The following JADE2 variants were observed in gnomAD, a reference collection of about 807,000 sequenced individuals.
The protein encoded by JADE2 is E3 ubiquitin-protein ligase Jade-2.
A neutral mutation model predicts 85.7 loss-of-function variants in JADE2; 13 were observed. The ratio of observed to expected loss-of-function variants is 0.15; its 90% CI spans 0.10 to 0.24. JADE2 has a LOEUF of 0.24. Ranked by LOEUF, JADE2 falls within the 10% of genes least tolerant of loss-of-function variation. The pLI is 1.00. For missense variants in JADE2, 846 were observed against 1,115.9 expected (o/e 0.76, Z 3.45); for synonymous variants, 440 against 456.1 (o/e 0.96, Z 0.45).
chr5:134,569,389 T>C (rs1334531745), intron 9 of JADE2, among the ~76,000 whole-genome samples: 1 of 152,176 alleles, frequency 6.6e-6, no homozygotes, highest in African/African-American at 2.4e-5. Flanking sequence ...CGGCATGAAA[T>C]CCCATTTTAT....
chr5:134,527,383 C>A (rs749743998), intron 1 of JADE2, among the ~76,000 whole-genome samples: 27 of 152,114 alleles, frequency 1.8e-4, no homozygotes, highest in Non-Finnish European at 3.4e-4. Context: ...CTTGGCGATT[C>A]GCAGCTGTTC....
intron 4 of JADE2, among the ~76,000 whole-genome samples, chr5:134,553,190 C>T (rs1009911589): frequency 6.6e-6 from 1 of 151,294 alleles, no homozygotes; most frequent in Non-Finnish European, 1.5e-5. Context: ...AGGCTAGTCT[C>T]TAACTCCTGG....
chr5:134,570,682 G>A (rs1296776736), intron 9 of JADE2, among the ~76,000 whole-genome samples: 1 of 152,144 alleles, frequency 6.6e-6, no homozygotes, highest in Non-Finnish European at 1.5e-5. Context: ...CTTAGTCTTG[G>A]AGTCCTTTTT....
chr5:134,535,381 T>C (rs1024945335), intron 1 of JADE2, among the ~76,000 whole-genome samples: 60 of 152,076 alleles, frequency 3.9e-4, no homozygotes, highest in African/African-American at 1.3e-3. Flanking sequence ...CCCTCAGTGT[T>C]TTCTGTGCTG....
At chr5:134,525,351 G>A (rs1760730565), upstream of JADE2, among the ~76,000 whole-genome samples, 1 of 152,058 alleles carries the variant, frequency 6.6e-6, no homozygotes, top group Admixed American at 6.5e-5. Context: ...CCTGGGGACA[G>A]GGCGGGCTAG....
At chr5:134,526,500 G>A in intron 1 of JADE2, 1 of 985,318 alleles carries the variant, frequency 1.0e-6, no homozygotes, top group African/African-American at 1.7e-5. Flanking sequence ...CTGTCTCCCC[G>A]AGTTTCATTT....
rs905428004 is a variant in JADE2 at position 134,582,196 on chromosome 5, A to C, written c.*2879A>C. Reference sequence around the variant, plus strand: ...GATAATGTGCAAGAAAAGTATTTTTATGTATCATAAATGTATTTTGAAACA... The same window carrying C: ...GATAATGTGCAAGAAAAGTATTTTTCTGTATCATAAATGTATTTTGAAACA... On this transcript the variant is annotated 3_prime_UTR_variant, in exon 12 of 12. Transcript: ENST00000681547. 1 of 152,296 alleles carries C rather than the reference A, an allele frequency of 6.6e-6. No homozygotes were observed. Among genetic ancestry groups the C allele is most frequent in the Non-Finnish European group, 1.5e-5 (1 of 68,064 alleles). The allele number at this position is 152,296 out of a possible 1,614,324, so 9.4% of individuals were successfully genotyped here.
Position 134,578,682 on chromosome 5 carries a change from A to T in JADE2, c.1870A>T (p.Met624Leu), listed in dbSNP as rs1183637969. The T allele has an allele frequency of 2.5e-6, 4 of 1,613,946 alleles. No homozygotes were observed. The Admixed American group carries it at 6.7e-5, about 27-fold the overall frequency. Reference sequence around the variant, plus strand: ...GGACGAGGAGACACTGCTCAGCTTCATGCGGGACCCCTCGCTGCGACCTGG... The same window carrying T: ...GGACGAGGAGACACTGCTCAGCTTCTTGCGGGACCCCTCGCTGCGACCTGG... Reference protein sequence around the residue: ...LQDEETLLSFMRDPSLRPGDP... With the variant: ...LQDEETLLSFLRDPSLRPGDP... Residue 624 changes from methionine to leucine, a missense_variant, in exon 12 of 12, where the codon ATG (methionine) becomes TTG (leucine). Transcript: ENST00000681547. This position sits in a 1 kb window ranked among gnomAD's most constrained non-coding sequence, Gnocchi z 4.4.
At chr5:134,524,352 C>G (rs1431343186), upstream of JADE2, 1 of 152,532 alleles carries the variant, frequency 6.6e-6, no homozygotes, top group Non-Finnish European at 1.5e-5. Flanking sequence ...AGCAGCCCGA[C>G]AGCCCGCCCG....
upstream of JADE2, among the ~76,000 whole-genome samples, chr5:134,525,488 A>G (rs1168388401): frequency 6.7e-6 from 1 of 149,198 alleles, no homozygotes; most frequent in African/African-American, 2.5e-5. Flanking sequence ...CCGGAGCCAA[A>G]CAACTGGGCG....
intron 3 of JADE2, among the ~76,000 whole-genome samples, chr5:134,551,253 CAG>C (rs1343274827): frequency 6.6e-6 from 1 of 151,932 alleles, no homozygotes; most frequent in Admixed American, 6.6e-5. Flanking sequence ...TCTTTTGAGA[CAG>C]GGACTCACTG....
intron 7 of JADE2, among the ~76,000 whole-genome samples, chr5:134,563,885 C>A (rs1763477979): frequency 1.3e-5 from 2 of 152,110 alleles, no homozygotes; most frequent in Non-Finnish European, 2.9e-5. Context: ...AATGGGGAGA[C>A]AAATGTGCCC....
chr5:134,556,262 A>C (rs1762905687), intron 4 of JADE2, among the ~76,000 whole-genome samples: 1 of 152,230 alleles, frequency 6.6e-6, no homozygotes, highest in South Asian at 2.1e-4. Context: ...AACCATGGCA[A>C]CCAGCGGGGG....
At chr5:134,554,068 G>A (rs976082842) in intron 4 of JADE2, among the ~76,000 whole-genome samples, 13 of 152,118 alleles carry the variant, frequency 8.5e-5, no homozygotes, top group Non-Finnish European at 1.5e-4. Flanking sequence ...GCTCTTGCTC[G>A]ATCCCATGTA....
chr5:134,577,903 C>T (rs539423093), intron 11 of JADE2, among the ~76,000 whole-genome samples: 147 of 152,234 alleles, frequency 9.7e-4, no homozygotes, highest in African/African-American at 3.3e-3. Flanking sequence ...CGTACCTGAT[C>T]CCTTTATCCA....
At chr5:134,557,496 C>A (rs1277811363) in intron 4 of JADE2, among the ~76,000 whole-genome samples, 2 of 128,192 alleles carry the variant, frequency 1.6e-5, no homozygotes, top group Non-Finnish European at 3.3e-5. Flanking sequence ...TGTCATCTAG[C>A]ATTAGGTATA....
intron 8 of JADE2, 137 bp from the exon 9 acceptor site, chr5:134,565,979 T>C (rs1763617045): frequency 1.4e-6 from 1 of 716,526 alleles, no homozygotes; most frequent in African/African-American, 1.8e-5. Context: ...GCACAGGAGG[T>C]TGGGAGCCCA....
At chr5:134,525,588 T>TTCC, upstream of JADE2, 7 of 255,644 alleles carry the variant, frequency 2.7e-5, no homozygotes, top group Non-Finnish European at 4.5e-5. Context: ...TCGCTCCTCC[T>TTCC]GCCCGCCCCC....
chr5:134,552,022 A>G, intron 3 of JADE2, 30 bp from the exon 4 acceptor site: 1 of 1,609,888 alleles, frequency 6.2e-7, no homozygotes, highest in East Asian at 2.2e-5. Flanking sequence ...GGCAGTCTGA[A>G]GTCACTCTTT....
Sources: allele counts gnomAD v4.1 joint callset (sites outside exome capture counted in the v4.1 genomes callset), GRCh38; gene constraint gnomAD v4.1.1; non-coding constraint Gnocchi (gnomAD v3.1); transcripts MANE v1.5; gene names NCBI Gene and HGNC (gene_info 2026-07-23, HGNC 2026-07-21).